The following THBS4 variants were observed in gnomAD, a reference collection of about 807,000 sequenced individuals.
THBS4 encodes thrombospondin-4.
In THBS4, 90 loss-of-function variants were observed where a neutral mutation model predicts 115.7. The observed-to-expected ratio is 0.78, with a 90% CI of 0.66 to 0.93. The LOEUF (loss-of-function observed/expected upper bound fraction) is 0.93, where lower values mean the gene tolerates loss of function less well. THBS4 is among the 40% of genes least tolerant of loss of function. The pLI is 0.00. For missense variants in THBS4, 1,087 were observed against 1,232.7 expected, an observed-to-expected ratio of 0.88 and a Z score of 1.77; for synonymous variants, 460 against 479.3, an observed-to-expected ratio of 0.96 and a Z score of 0.53.
chr5:80,032,831 G>A (rs1194338958), upstream of THBS4, among the ~76,000 whole-genome samples: 1 of 152,106 alleles, frequency 6.6e-6, no homozygotes, highest in Non-Finnish European at 1.5e-5. Flanking sequence ...ACTGACTCAG[G>A]TGTTAATCTC....
chr5:80,059,238 G>A (rs1833539134), intron 5 of THBS4, among the ~76,000 whole-genome samples: 4 of 151,744 alleles, frequency 2.6e-5, no homozygotes, highest in Admixed American at 2.6e-4. Flanking sequence ...GCTGAGGCAG[G>A]AGAATTGCTG....
At chr5:79,997,383 C>T (rs988841196) in intron 1 of THBS4, among the ~76,000 whole-genome samples, 2 of 151,474 alleles carry the variant, frequency 1.3e-5, no homozygotes, top group East Asian at 1.9e-4. Context: ...AAGTAGTATG[C>T]GTGTATGTGT....
At chr5:80,037,993 TA>T (rs1832771266) in intron 1 of THBS4, among the ~76,000 whole-genome samples, 1 of 152,200 alleles carries the variant, frequency 6.6e-6, no homozygotes, top group Non-Finnish European at 1.5e-5. Context: ...GGACCCCTGG[TA>T]CATGTGAAAA....
At chr5:80,008,484 G>A (rs942768997) in intron 2 of THBS4, among the ~76,000 whole-genome samples, 3 of 151,914 alleles carry the variant, frequency 2.0e-5, no homozygotes, top group Admixed American at 6.6e-5. Context: ...ACACGATCTC[G>A]ACTCACTGGC....
At chr5:80,032,807 G>A (rs377412027), upstream of THBS4, among the ~76,000 whole-genome samples, 5 of 152,274 alleles carry the variant, frequency 3.3e-5, no homozygotes, top group South Asian at 2.1e-4. Flanking sequence ...GGGTGGGTCC[G>A]CCTTTCCCAG....
intron 1 of THBS4, among the ~76,000 whole-genome samples, chr5:79,996,247 G>T (rs1477645723): frequency 6.6e-6 from 1 of 152,176 alleles, no homozygotes; most frequent in African/African-American, 2.4e-5. Context: ...TTAGTATTAA[G>T]GCGATAAATC....
chr5:80,013,240 A>G (rs1020253537), intron 2 of THBS4, among the ~76,000 whole-genome samples: 2 of 152,034 alleles, frequency 1.3e-5, no homozygotes, highest in African/African-American at 2.4e-5. Context: ...CCTGTTTTCA[A>G]GTGATTCTCC....
At chr5:79,998,676 A>G (rs1831844420) in intron 2 of THBS4, among the ~76,000 whole-genome samples, 1 of 152,204 alleles carries the variant, frequency 6.6e-6, no homozygotes, top group Non-Finnish European at 1.5e-5. Flanking sequence ...ATCCCTGTAC[A>G]TTTATTTTAC....
upstream of THBS4, among the ~76,000 whole-genome samples, chr5:80,031,653 A>G (rs1335574392): frequency 1.3e-5 from 2 of 152,190 alleles, no homozygotes; most frequent in African/African-American, 4.8e-5. Context: ...ATCCTCCAGT[A>G]GGCCAGCACA....
intron 2 of THBS4, among the ~76,000 whole-genome samples, chr5:80,016,771 C>T (rs1832260510): frequency 6.6e-6 from 1 of 152,112 alleles, no homozygotes; most frequent in South Asian, 2.1e-4. Context: ...CCCGCAGCTA[C>T]CCAAAACCTC....
At chr5:80,082,271 C>G in intron 20 of THBS4, 135 bp from the exon 21 acceptor site, 6 of 1,202,222 alleles carry the variant, frequency 5.0e-6, no homozygotes, top group Non-Finnish European at 5.9e-6. Context: ...CAATCCAGGT[C>G]AGCGAAAAAT....
At chr5:80,001,414 C>T (rs1349500605) in intron 2 of THBS4, among the ~76,000 whole-genome samples, 1 of 152,190 alleles carries the variant, frequency 6.6e-6, no homozygotes, top group South Asian at 2.1e-4. Flanking sequence ...TTACTAAATG[C>T]TGGCACCAGT....
intron 2 of THBS4, among the ~76,000 whole-genome samples, chr5:80,015,870 G>A (rs763644548): frequency 6.6e-6 from 1 of 152,222 alleles, no homozygotes; most frequent in African/African-American, 2.4e-5. Flanking sequence ...TTTACGAGGT[G>A]AGCATTAGCA....
intron 2 of THBS4, among the ~76,000 whole-genome samples, chr5:80,024,028 G>T (rs1356567333): frequency 6.6e-6 from 1 of 152,064 alleles, no homozygotes; most frequent in Non-Finnish European, 1.5e-5. Context: ...ACATGAGTTT[G>T]GGTGGGACAA....
At chr5:79,995,119 G>A (rs1427317333) in intron 1 of THBS4, among the ~76,000 whole-genome samples, 4 of 152,080 alleles carry the variant, frequency 2.6e-5, no homozygotes, top group Admixed American at 2.0e-4. Flanking sequence ...GGAGAGTATT[G>A]GTTGACTAAC....
Position 80,072,281 on chromosome 5 carries a change from TA to T in THBS4, c.1730del (p.Asn577ThrfsTer151), listed in dbSNP as rs1252426562. 1.9e-6 allele frequency: 3 copies of T among 1,613,800 alleles called. No homozygotes were observed. Among genetic ancestry groups the T allele is most frequent in the East Asian group, 2.2e-5 (1 of 44,878 alleles). ...ACDDDMDGDG[I>X]KNILDNCPKF... is the part of the protein sequence containing the mutation. ...AGGTAGCATTTCTTTCTCACAGGAA[TA>T]AAAAACATTCTGGACAACTGCCCAA... On this transcript the variant is annotated frameshift_variant, in exon 14 of 22. Transcript: ENST00000350881. LOFTEE classifies it high-confidence loss of function.
chr5:80,078,889 A>G, intron 17 of THBS4, 32 bp from the exon 18 acceptor site: 1 of 1,608,674 alleles, frequency 6.2e-7, no homozygotes, highest in South Asian at 1.1e-5. Context: ...CCCCTTCAAG[A>G]CTGTTCTGAA....
At chr5:80,053,251 T>C (rs1580951298) in intron 2 of THBS4, 1 of 152,176 alleles carries the variant, frequency 6.6e-6, no homozygotes, top group African/African-American at 2.4e-5. Flanking sequence ...TCTTTTTGTG[T>C]TTTTAATATT....
intron 8 of THBS4, 119 bp from the exon 9 acceptor site, chr5:80,065,290 T>C (rs1443950430): frequency 7.3e-6 from 6 of 821,828 alleles, no homozygotes; most frequent in East Asian, 5.3e-5. Flanking sequence ...CAGATTACCA[T>C]TCTACCCGAA....
Sources: allele counts gnomAD v4.1 joint callset (sites outside exome capture counted in the v4.1 genomes callset), GRCh38; gene constraint gnomAD v4.1.1; transcripts MANE v1.5; gene names NCBI Gene and HGNC (gene_info 2026-07-23, HGNC 2026-07-21).